Variants in CTNNA3 observed in about 807,000 individuals in gnomAD.
CTNNA3 encodes catenin alpha 3.
In CTNNA3, 76 loss-of-function variants were observed where a neutral mutation model predicts 95.7. The ratio of observed to expected loss-of-function variants is 0.79; its 90% CI spans 0.66 to 0.96. The LOEUF (loss-of-function observed/expected upper bound fraction) is 0.96. CTNNA3 is among the 40% of genes least tolerant of loss of function. The pLI is 0.00. For synonymous variants in CTNNA3, 431 were observed against 374.4 expected (o/e 1.15, Z -1.74); for missense variants, 1,191 against 1,089.8 (o/e 1.09, Z -1.31).
chr10:66,128,530 T>TG (rs2082932560), intron 13 of CTNNA3, among the ~76,000 whole-genome samples: 1 of 151,228 alleles, frequency 6.6e-6, no homozygotes, highest in Non-Finnish European at 1.5e-5. Flanking sequence ...TATTACCAAG[T>TG]GAAAAAAAAA....
chr10:66,564,446 A>G (rs1842645362), intron 10 of CTNNA3, among the ~76,000 whole-genome samples: 1 of 152,078 alleles, frequency 6.6e-6, no homozygotes, highest in Non-Finnish European at 1.5e-5. Context: ...TCCAGATTAC[A>G]ATTCTCTTCC....
At chr10:66,251,987 T>C (rs550558283) in intron 13 of CTNNA3, among the ~76,000 whole-genome samples, 2 of 152,294 alleles carry the variant, frequency 1.3e-5, no homozygotes, top group African/African-American at 2.4e-5. Flanking sequence ...GAGACCATAC[T>C]CTTAACCATT....
At chr10:67,532,440 A>G (rs1051294589) in intron 4 of CTNNA3, among the ~76,000 whole-genome samples, 5 of 152,322 alleles carry the variant, frequency 3.3e-5, no homozygotes, top group African/African-American at 9.6e-5. Flanking sequence ...TTTGTCCACA[A>G]ATGCTTTATA....
chr10:66,858,458 C>G (rs1249319864), intron 7 of CTNNA3, among the ~76,000 whole-genome samples: 1 of 151,882 alleles, frequency 6.6e-6, no homozygotes, highest in African/African-American at 2.4e-5. Flanking sequence ...TATTTTGGAA[C>G]AGTTTTAGTA....
chr10:65,948,193 A>T (rs527299384), intron 17 of CTNNA3, among the ~76,000 whole-genome samples: 2 of 150,690 alleles, frequency 1.3e-5, no homozygotes, highest in Non-Finnish European at 3.0e-5. Context: ...AGGCAGGAGA[A>T]TGGCATGACC....
At chr10:66,730,096 A>C (rs542427858) in intron 9 of CTNNA3, among the ~76,000 whole-genome samples, 1 of 124,542 alleles carries the variant, frequency 8.0e-6, no homozygotes, top group African/African-American at 2.8e-5. Flanking sequence ...ACAGAGCGAT[A>C]CTCTGTCTGA....
intron 1 of CTNNA3, among the ~76,000 whole-genome samples, chr10:67,725,894 AAT>A (rs1256078570): frequency 1.4e-5 from 2 of 141,092 alleles, no homozygotes; most frequent in Non-Finnish European, 3.0e-5. Context: ...TCATATATAT[AAT>A]ATATATAATT....
chr10:67,306,432 A>T (rs988350457), intron 5 of CTNNA3, among the ~76,000 whole-genome samples: 1 of 152,210 alleles, frequency 6.6e-6, no homozygotes, highest in African/African-American at 2.4e-5. Context: ...ATTGAAGAAG[A>T]GCTCTTTATT....
rs188417429 is a variant in CTNNA3 at position 66,027,729 on chromosome 10, C to A, written c.2160-38932G>T. 1.7e-3 allele frequency among the ~76,000 whole-genome samples: 255 copies of A among 152,234 alleles called. 1 individual carries two copies. The highest frequency in any genetic ancestry group is 5.8e-3 in the African/African-American group (241 of 41,568). On this transcript the variant is annotated intron_variant, in intron 15 of 17. Transcript: ENST00000433211. ...GACACAGGCTCCAGACTCAGCAACA[C>A]TAGTCATAGCAAAAATGAGGCTAAT...
chr10:66,798,284 T>C (rs1285475590), intron 7 of CTNNA3, among the ~76,000 whole-genome samples: 1 of 151,852 alleles, frequency 6.6e-6, no homozygotes, highest in Non-Finnish European at 1.5e-5. Flanking sequence ...TTATTACTAA[T>C]ATTTATAACA....
At chr10:65,984,393 G>A (rs929854110) in intron 16 of CTNNA3, among the ~76,000 whole-genome samples, 3 of 151,232 alleles carry the variant, frequency 2.0e-5, no homozygotes, top group Admixed American at 1.3e-4. Flanking sequence ...TTCATTCTCA[G>A]TTTTGATTAC....
chr10:67,130,755 G>A (rs1020670708), intron 7 of CTNNA3, among the ~76,000 whole-genome samples: 2 of 152,006 alleles, frequency 1.3e-5, no homozygotes, highest in African/African-American at 4.8e-5. Context: ...AGCATCAATG[G>A]GTCCTGGCCT....
chr10:67,085,175 C>A (rs1260866079), intron 7 of CTNNA3, among the ~76,000 whole-genome samples: 1 of 151,866 alleles, frequency 6.6e-6, no homozygotes, highest in African/African-American at 2.4e-5. Flanking sequence ...AATAACACCT[C>A]ACATTTTTTA....
intron 5 of CTNNA3, among the ~76,000 whole-genome samples, chr10:67,364,137 C>T (rs577533305): frequency 2.6e-5 from 4 of 152,176 alleles, no homozygotes; most frequent in South Asian, 2.1e-4. Context: ...ATGATCAAGT[C>T]GGCTTCATCT....
intron 3 of CTNNA3, among the ~76,000 whole-genome samples, chr10:67,561,665 C>CA (rs751610629): frequency 1.0e-3 from 154 of 150,910 alleles, no homozygotes; most frequent in Non-Finnish European, 1.3e-3. Flanking sequence ...AATAGAGACA[C>CA]AAAAAACCCT....
chr10:66,728,626 G>A (rs898267349), intron 9 of CTNNA3, among the ~76,000 whole-genome samples: 3 of 151,890 alleles, frequency 2.0e-5, no homozygotes, highest in African/African-American at 7.3e-5. Context: ...GTCTCACTCC[G>A]TCACCCAGGC....
chr10:67,610,071 C>T (rs1421705914), intron 2 of CTNNA3, among the ~76,000 whole-genome samples: 1 of 152,128 alleles, frequency 6.6e-6, no homozygotes, highest in Non-Finnish European at 1.5e-5. Context: ...AGTTTAAAAT[C>T]TTTGTTTAAA....
intron 14 of CTNNA3, 64 bp downstream of exon 14, chr10:66,103,093 C>T (rs2081714639): frequency 7.3e-7 from 1 of 1,361,364 alleles, no homozygotes; most frequent in Non-Finnish European, 1.1e-6. Flanking sequence ...CCTAGATTGA[C>T]AAAGGGAGGG....
rs1443580849 is a variant in CTNNA3, at chr10:66,222,686, A to AGGAAGGGC, written c.1884+57783_1884+57784insGCCCTTCC. On this transcript the variant is annotated intron_variant, in intron 13 of 17. Coordinates refer to ENST00000433211, the MANE Select transcript of CTNNA3 (RefSeq NM_013266.4). ...AAGGAAGGGAGGGATGGAGGAAGGA[A>AGGAAGGGC]GGGAGGGAGGAAGGAAAGGGAAGGG... 6.8e-3 allele frequency among the ~76,000 whole-genome samples: 1,017 copies of AGGAAGGGC among 149,848 alleles called. 8 individuals carry two copies. Among genetic ancestry groups the AGGAAGGGC allele is most frequent in the East Asian group, 0.028 (139 of 4,914 alleles).
Sources: gnomAD v4.1 joint callset for allele counts (sites outside exome capture counted in the v4.1 genomes callset) on GRCh38, gnomAD v4.1.1 for gene constraint, MANE v1.5 for transcripts, NCBI Gene and HGNC (gene_info 2026-07-23, HGNC 2026-07-21) for gene names.